Variants in DEPTOR observed in about 807,000 individuals in gnomAD.
The protein encoded by DEPTOR is DEP domain-containing mTOR-interacting protein.
DEPTOR carries 41 observed loss-of-function variants against 41.6 expected under a neutral mutation model. That is an observed-to-expected ratio of 0.98 (90% CI 0.77 to 1.28). The LOEUF (loss-of-function observed/expected upper bound fraction) is 1.28. Among genes scored for constraint, DEPTOR ranks in the 50% most tolerant of loss-of-function variants. DEPTOR has a pLI of 0.00. For synonymous variants in DEPTOR, 195 were observed against 192.3 expected, an observed-to-expected ratio of 1.01 and a Z score of -0.12; for missense variants, 514 against 527.9, an observed-to-expected ratio of 0.97 and a Z score of 0.26.
chr8:119,932,684 A>T (rs1326833481), intron 3 of DEPTOR, among the ~76,000 whole-genome samples: 1 of 152,226 alleles, frequency 6.6e-6, no homozygotes, highest in East Asian at 1.9e-4. Context: ...TTGAAGAGGC[A>T]GACATTAAAG....
At chr8:120,047,772 G>A (rs1489092381) in intron 8 of DEPTOR, among the ~76,000 whole-genome samples, 1 of 152,196 alleles carries the variant, frequency 6.6e-6, no homozygotes, top group Non-Finnish European at 1.5e-5. Context: ...GAGGCCAAGT[G>A]TGGTGGCTCA....
chr8:119,926,536 G>C (rs528340391), intron 1 of DEPTOR, among the ~76,000 whole-genome samples: 15 of 152,282 alleles, frequency 9.9e-5, no homozygotes, highest in Non-Finnish European at 1.5e-5. Flanking sequence ...TAGGTCCCAT[G>C]CAATATTTGG....
intron 8 of DEPTOR, among the ~76,000 whole-genome samples, chr8:120,021,651 A>T (rs1351031592): frequency 1.3e-5 from 2 of 152,194 alleles, no homozygotes; most frequent in African/African-American, 4.8e-5. Context: ...TTTCTGCCAT[A>T]TTGCAGTATA....
At chr8:120,027,853 T>C (rs1279355325) in intron 8 of DEPTOR, among the ~76,000 whole-genome samples, 1 of 152,076 alleles carries the variant, frequency 6.6e-6, no homozygotes, top group African/African-American at 2.4e-5. Context: ...TTTTCTCAAC[T>C]TTTACTACAT....
intron 8 of DEPTOR, among the ~76,000 whole-genome samples, chr8:120,038,636 TA>T (rs1813014910): frequency 6.7e-6 from 1 of 148,626 alleles, no homozygotes; most frequent in South Asian, 2.1e-4. Context: ...AAACAAATAA[TA>T]AATAAGAAGA....
At chr8:120,018,399 G>A (rs995681595) in intron 8 of DEPTOR, among the ~76,000 whole-genome samples, 7 of 152,122 alleles carry the variant, frequency 4.6e-5, no homozygotes, top group South Asian at 2.1e-4. Context: ...CCAACATGGC[G>A]AAACCCCATC....
chr8:119,980,894 C>T (rs4871819), intron 4 of DEPTOR, among the ~76,000 whole-genome samples: 95,734 of 151,958 alleles, frequency 0.63, 30,454 homozygotes, highest in Middle Eastern at 0.76. Context: ...TGTATTTTTA[C>T]AGTGCCAGTT....
chr8:120,003,236 G>A (rs1812383631), intron 6 of DEPTOR, 125 bp downstream of exon 6: 1 of 1,467,598 alleles, frequency 6.8e-7, no homozygotes, highest in South Asian at 1.3e-5. Context: ...ATGCTCTTGG[G>A]GTCCACACGT....
chr8:119,880,779 T>C (rs1223602951), intron 1 of DEPTOR, among the ~76,000 whole-genome samples: 1 of 152,198 alleles, frequency 6.6e-6, no homozygotes, highest in Non-Finnish European at 1.5e-5. Flanking sequence ...ACCATTTTAA[T>C]GGGAAGATAA....
At chr8:119,921,748 G>GTTTTTTTTTTTTT (rs1282897659) in intron 1 of DEPTOR, among the ~76,000 whole-genome samples, 5 of 131,184 alleles carry the variant, frequency 3.8e-5, no homozygotes, top group Admixed American at 7.5e-5. Flanking sequence ...CTATTCTGTA[G>GTTTTTTTTTTTTT]TTTTTTTTTT....
chr8:120,029,498 T>G (rs527508870), intron 8 of DEPTOR, among the ~76,000 whole-genome samples: 1 of 152,070 alleles, frequency 6.6e-6, no homozygotes, highest in Non-Finnish European at 1.5e-5. Flanking sequence ...TTGGTTCAAG[T>G]GATTCTCCTG....
intron 1 of DEPTOR, among the ~76,000 whole-genome samples, chr8:119,890,296 T>TTTGTTTG (rs767181814): frequency 1.4e-4 from 21 of 150,634 alleles, no homozygotes; most frequent in South Asian, 2.1e-4. Context: ...TGTTTGTTTG[T>TTTGTTTG]TTGTTGTTGT....
chr8:119,958,853 G>T (rs994311524), intron 3 of DEPTOR, among the ~76,000 whole-genome samples: 1 of 152,120 alleles, frequency 6.6e-6, no homozygotes, highest in East Asian at 1.9e-4. Flanking sequence ...AAGTCACAAA[G>T]CTAGCCCAAG....
At chr8:119,964,906 G>A (rs1828537282) in intron 3 of DEPTOR, among the ~76,000 whole-genome samples, 3 of 151,832 alleles carry the variant, frequency 2.0e-5, no homozygotes, top group South Asian at 4.2e-4. Flanking sequence ...AAAACCTGTC[G>A]CTACTAAAAA....
rs527505385 is a variant in DEPTOR at position 120,022,333 on chromosome 8, T to C, written c.1101+13200T>C. ...CTAATTGCTAAGTTTGTTTAACGTT[T>C]TGTTGACACTAAACATTTTTATTCA... On this transcript the variant is annotated intron_variant, in intron 8 of 8. Transcript: ENST00000286234. Among the ~76,000 whole-genome samples, 7 of 152,304 alleles carry C rather than the reference T, an allele frequency of 4.6e-5. No homozygotes were observed. In the South Asian group the frequency reaches 1.5e-3, roughly 32 times the overall value.
intron 8 of DEPTOR, among the ~76,000 whole-genome samples, chr8:120,026,500 G>C (rs1314161983): frequency 1.3e-5 from 2 of 151,780 alleles, no homozygotes; most frequent in Non-Finnish European, 2.9e-5. Flanking sequence ...CCACTAACAT[G>C]CCTGGCTAAT....
intron 4 of DEPTOR, among the ~76,000 whole-genome samples, chr8:119,995,553 T>C (rs371950623): frequency 6.7e-6 from 1 of 148,548 alleles, no homozygotes; most frequent in South Asian, 2.1e-4. Context: ...GCCACTGCAC[T>C]CCAGCCTGGG....
intron 4 of DEPTOR, among the ~76,000 whole-genome samples, chr8:119,974,741 C>T (rs1828676310): frequency 6.6e-6 from 1 of 151,600 alleles, no homozygotes; most frequent in African/African-American, 2.4e-5. Flanking sequence ...CACTGCACTC[C>T]AGCCTGGGCG....
In DEPTOR at chr8:120,041,539, CT is replaced by C. The variant is rs72420732; in HGVS notation, c.1102-8029del. Among the ~76,000 whole-genome samples the C allele has an allele frequency of 1.2e-4, 18 of 151,980 alleles. 1 individual carries two copies. In the East Asian group the frequency reaches 1.7e-3, roughly 15 times the overall value. On this transcript the variant is annotated intron_variant, in intron 8 of 8. Transcript: ENST00000286234. ...ACGAGGCTAACTTAGGTTCTTATAA[CT>C]TTTTTTTAAATTCTTCAAATAGGGT...
Sources: gnomAD v4.1 joint callset for allele counts (sites outside exome capture counted in the v4.1 genomes callset) on GRCh38, gnomAD v4.1.1 for gene constraint, MANE v1.5 for transcripts, NCBI Gene and HGNC (gene_info 2026-07-23, HGNC 2026-07-21) for gene names.